Variants in TTLL11 observed in about 807,000 individuals in gnomAD.
TTLL11 encodes the protein tubulin polyglutamylase TTLL11.
TTLL11 carries 42 observed loss-of-function variants against 51.7 expected under a neutral mutation model. That is an observed-to-expected ratio of 0.81 (90% CI 0.64 to 1.05). The LOEUF (loss-of-function observed/expected upper bound fraction) is 1.05. TTLL11 is among the 50% of genes least tolerant of loss of function. TTLL11 has a pLI of 0.00. For synonymous variants in TTLL11, 381 were observed against 383.5 expected (o/e 0.99, Z 0.08); for missense variants, 799 against 940.4 (o/e 0.85, Z 1.97).
At chr9:121,999,605 G>A (rs973003906) in intron 3 of TTLL11, among the ~76,000 whole-genome samples, 2 of 152,214 alleles carry the variant, frequency 1.3e-5, no homozygotes, top group Non-Finnish European at 2.9e-5. Flanking sequence ...CCTGACTGCA[G>A]TACAAGCTCT....
At chr9:122,060,114 T>A (rs972747965) in intron 1 of TTLL11, among the ~76,000 whole-genome samples, 1 of 152,194 alleles carries the variant, frequency 6.6e-6, no homozygotes, top group Non-Finnish European at 1.5e-5. Flanking sequence ...CCTTTTACCC[T>A]ACAATGTAAT....
intron 1 of TTLL11, among the ~76,000 whole-genome samples, chr9:122,089,212 C>G (rs1846200587): frequency 6.6e-6 from 1 of 152,036 alleles, no homozygotes; most frequent in Admixed American, 6.6e-5. Context: ...CTTACCTGGG[C>G]TACTCATCCA....
intron 4 of TTLL11, among the ~76,000 whole-genome samples, chr9:121,981,135 G>GT (rs34449864): frequency 3.6e-3 from 531 of 146,522 alleles, no homozygotes; most frequent in Non-Finnish European, 4.0e-3. Flanking sequence ...TTCTTCAAAA[G>GT]TTTTTTTTTT....
intron 3 of TTLL11, among the ~76,000 whole-genome samples, chr9:121,993,886 T>C (rs1843180009): frequency 6.6e-6 from 1 of 152,206 alleles, no homozygotes; most frequent in Non-Finnish European, 1.5e-5. Context: ...TCAGGTGGAT[T>C]TGCATCCAAT....
intron 7 of TTLL11, among the ~76,000 whole-genome samples, chr9:121,860,841 T>A (rs1207008680): frequency 1.3e-5 from 2 of 152,230 alleles, no homozygotes; most frequent in African/African-American, 4.8e-5. Context: ...CCACTGAGGC[T>A]GTGGCATTTT....
At position 121,822,741 on chromosome 9, in the gene TTLL11, A is replaced by G; in HGVS notation, c.1979T>C (p.Leu660Pro). Residue 660 changes from leucine to proline, a missense_variant, in exon 9 of 9, where the codon CTG becomes CCG. Physicochemically the swap from Leu to Pro is moderately conservative, Grantham distance 98 (BLOSUM62 -3). Coordinates refer to ENST00000321582, the MANE Select transcript of TTLL11 (RefSeq NM_001139442.2). The surrounding 1 kb of genome is among the most constrained non-coding windows in gnomAD (Gnocchi z 5.8). ...CGACGGGACGCCCCGGCCACACACC[A>G]GGCGTTTTTCATCCAGCAGGGACAG... is the stretch of plus-strand genomic sequence containing the variant. ...YHLSLLDEKRLVCGRGVPSGG... is the reference protein window; with the variant it reads ...YHLSLLDEKRPVCGRGVPSGG... 2 of 1,551,592 alleles carry G rather than the reference A, an allele frequency of 1.3e-6. No homozygotes were observed. The highest frequency in any genetic ancestry group is 1.7e-6 in the Non-Finnish European group (2 of 1,146,954).
intron 1 of TTLL11, among the ~76,000 whole-genome samples, chr9:122,090,462 T>G (rs1846230671): frequency 6.6e-6 from 1 of 152,158 alleles, no homozygotes. Flanking sequence ...GGCCTCTGCT[T>G]TGCCCACACC....
chr9:122,091,239 T>A (rs2131948634), intron 1 of TTLL11, among the ~76,000 whole-genome samples: 1 of 152,336 alleles, frequency 6.6e-6, no homozygotes, highest in East Asian at 1.9e-4. Flanking sequence ...CATAGCCTGG[T>A]TTTATTTGCT....
intron 6 of TTLL11, among the ~76,000 whole-genome samples, chr9:121,944,679 T>C (rs1345688459): frequency 6.6e-6 from 1 of 151,972 alleles, no homozygotes; most frequent in East Asian, 1.9e-4. Context: ...CATTGGCAAA[T>C]GGAAATCAAT....
At chr9:121,929,051 G>C (rs2131547183) in intron 6 of TTLL11, among the ~76,000 whole-genome samples, 1 of 152,196 alleles carries the variant, frequency 6.6e-6, no homozygotes, top group Non-Finnish European at 1.5e-5. Flanking sequence ...ATTTTACGTA[G>C]ATCATGTAGT....
intron 7 of TTLL11, among the ~76,000 whole-genome samples, chr9:121,863,956 C>T (rs927262070): frequency 6.6e-6 from 1 of 152,180 alleles, no homozygotes; most frequent in African/African-American, 2.4e-5. Flanking sequence ...ATCAAGAAAC[C>T]AGGTCTCAGG....
chr9:122,052,524 C>CT (rs1331887832), intron 1 of TTLL11, among the ~76,000 whole-genome samples: 1 of 152,184 alleles, frequency 6.6e-6, no homozygotes, highest in Non-Finnish European at 1.5e-5. Context: ...GCACACAATG[C>CT]TTGATGCATA....
intron 2 of TTLL11, among the ~76,000 whole-genome samples, chr9:122,034,665 G>A (rs1280810458): frequency 2.0e-5 from 3 of 152,194 alleles, no homozygotes; most frequent in African/African-American, 7.2e-5. Flanking sequence ...CTCCACCTCT[G>A]GAGGTGGCTC....
chr9:121,935,829 A>G (rs1432842556), intron 6 of TTLL11, among the ~76,000 whole-genome samples: 1 of 152,132 alleles, frequency 6.6e-6, no homozygotes, highest in Non-Finnish European at 1.5e-5. Context: ...AAACTGGGAG[A>G]AGAGCTCAGG....
intron 6 of TTLL11, among the ~76,000 whole-genome samples, chr9:121,945,674 T>G (rs1293299658): frequency 6.6e-6 from 1 of 152,204 alleles, no homozygotes; most frequent in Non-Finnish European, 1.5e-5. Flanking sequence ...CTTACAATTT[T>G]CCAAACTCAC....
chr9:121,876,655 C>T (rs7046679), intron 6 of TTLL11, among the ~76,000 whole-genome samples: 2 of 152,020 alleles, frequency 1.3e-5, no homozygotes, highest in Admixed American at 6.5e-5. Flanking sequence ...ACGCTGGAGA[C>T]GAATAAATCT....
At chr9:122,017,050 T>C (rs1490487649) in intron 3 of TTLL11, among the ~76,000 whole-genome samples, 1 of 152,176 alleles carries the variant, frequency 6.6e-6, no homozygotes. Context: ...AACATGGGTC[T>C]CCCTCTTTCT....
intron 7 of TTLL11, among the ~76,000 whole-genome samples, chr9:121,869,813 A>G (rs1838290596): frequency 6.6e-6 from 1 of 152,154 alleles, no homozygotes; most frequent in Non-Finnish European, 1.5e-5. Context: ...GACTTGCCTT[A>G]GGGTTACTTG....
At chr9:121,851,527 C>G (rs541835943) in intron 8 of TTLL11, among the ~76,000 whole-genome samples, 8 of 152,280 alleles carry the variant, frequency 5.3e-5, no homozygotes, top group Admixed American at 6.5e-5. Context: ...CAGCACCTGG[C>G]CTGTGTTAGG....
Sources: allele counts gnomAD v4.1 joint callset (sites outside exome capture counted in the v4.1 genomes callset), GRCh38; gene constraint gnomAD v4.1.1; non-coding constraint Gnocchi (gnomAD v3.1); transcripts MANE v1.5; gene names NCBI Gene and HGNC (gene_info 2026-07-23, HGNC 2026-07-21).